Variants in MSRA observed in about 807,000 individuals in gnomAD.
MSRA encodes the protein methionine sulfoxide reductase A.
A neutral mutation model predicts 31.3 loss-of-function variants in MSRA; 54 were observed. That is an observed-to-expected ratio of 1.73 (90% CI 1.39 to 2.17). The LOEUF (loss-of-function observed/expected upper bound fraction) is 2.17. MSRA is among the 30% of genes most tolerant of loss of function. The probability of loss-of-function intolerance (pLI) is 0.00; values close to 1 mark genes in which losing one functional copy is unlikely to be tolerated. For missense variants in MSRA, 507 were observed against 300.9 expected (o/e 1.69, Z -5.07); for synonymous variants, 169 against 116.5 (o/e 1.45, Z -2.90).
chr8:10,293,797 C>T (rs752486911), intron 3 of MSRA, among the ~76,000 whole-genome samples: 1 of 152,232 alleles, frequency 6.6e-6, no homozygotes, highest in South Asian at 2.1e-4. Context: ...CTGTGAGTCT[C>T]CTGATGACTG....
intron 1 of MSRA, among the ~76,000 whole-genome samples, chr8:10,086,900 G>T (rs1798586462): frequency 6.6e-6 from 1 of 151,548 alleles, no homozygotes; most frequent in African/African-American, 2.4e-5. Flanking sequence ...GAGAGGGAGA[G>T]GGAGAGGGAG....
At chr8:10,075,970 C>T (rs757984114) in intron 1 of MSRA, among the ~76,000 whole-genome samples, 21 of 152,162 alleles carry the variant, frequency 1.4e-4, no homozygotes, top group Non-Finnish European at 2.6e-4. Flanking sequence ...CGATGTCTGC[C>T]GCCTCAGTAT....
chr8:10,079,558 C>G (rs1798176082), intron 1 of MSRA, among the ~76,000 whole-genome samples: 1 of 152,200 alleles, frequency 6.6e-6, no homozygotes, highest in Non-Finnish European at 1.5e-5. Flanking sequence ...AAATGAATAG[C>G]TCCCTTATTA....
chr8:10,097,558 C>T (rs893695168), intron 1 of MSRA, among the ~76,000 whole-genome samples: 4 of 152,168 alleles, frequency 2.6e-5, no homozygotes, highest in South Asian at 4.2e-4. Flanking sequence ...GTCTTATTGC[C>T]GATTTATATT....
At chr8:10,334,406 G>T (rs1802897062) in intron 5 of MSRA, among the ~76,000 whole-genome samples, 1 of 152,104 alleles carries the variant, frequency 6.6e-6, no homozygotes, top group South Asian at 2.1e-4. Flanking sequence ...AAGTGGCTCC[G>T]GAGTGATAGG....
intron 1 of MSRA, among the ~76,000 whole-genome samples, chr8:10,131,640 T>G (rs1313297740): frequency 6.6e-6 from 1 of 152,200 alleles, no homozygotes; most frequent in East Asian, 1.9e-4. Flanking sequence ...ATGGAGCTTG[T>G]TAGAAATTTC....
intron 2 of MSRA, among the ~76,000 whole-genome samples, chr8:10,223,790 C>G (rs1810737022): frequency 6.6e-6 from 1 of 152,046 alleles, no homozygotes; most frequent in Non-Finnish European, 1.5e-5. Context: ...CAAATCAAGA[C>G]CATGGTACAA....
chr8:10,219,024 G>A (rs940806763), intron 2 of MSRA, among the ~76,000 whole-genome samples: 35 of 152,172 alleles, frequency 2.3e-4, no homozygotes, highest in Admixed American at 9.2e-4. Context: ...CTGCAGTGCA[G>A]GTTTGAGTCC....
intron 1 of MSRA, among the ~76,000 whole-genome samples, chr8:10,149,918 TTG>T (rs372180080): frequency 1.5e-4 from 13 of 87,670 alleles, no homozygotes; most frequent in African/African-American, 2.3e-4. Flanking sequence ...TTTTTTTTTT[TTG>T]GCCAACTTTA....
At chr8:10,071,016 A>T (rs544726021) in intron 1 of MSRA, among the ~76,000 whole-genome samples, 1 of 152,322 alleles carries the variant, frequency 6.6e-6, no homozygotes, top group Non-Finnish European at 1.5e-5. Flanking sequence ...GTAAGTGCCC[A>T]GGAGTGCAAT....
chr8:10,321,410 G>T (rs1033683696), intron 5 of MSRA, among the ~76,000 whole-genome samples: 9 of 152,082 alleles, frequency 5.9e-5, no homozygotes, highest in African/African-American at 2.2e-4. Flanking sequence ...CTCAAGGTCA[G>T]TTCGACTATG....
chr8:10,331,805 C>T (rs1213169230), intron 5 of MSRA, among the ~76,000 whole-genome samples: 1 of 152,186 alleles, frequency 6.6e-6, no homozygotes, highest in East Asian at 1.9e-4. Flanking sequence ...ATTACTTATA[C>T]CTAATACAAT....
intron 1 of MSRA, among the ~76,000 whole-genome samples, chr8:10,094,413 G>A (rs9329214): frequency 0.75 from 114,782 of 152,198 alleles, 43,564 homozygotes; most frequent in African/African-American, 0.82. Flanking sequence ...TTTGATTGGC[G>A]GAGCACACAA....
At chr8:10,279,706 T>C (rs745885738) in intron 3 of MSRA, among the ~76,000 whole-genome samples, 2 of 152,206 alleles carry the variant, frequency 1.3e-5, no homozygotes, top group Non-Finnish European at 2.9e-5. Context: ...ACAAGATATT[T>C]TGTGAGCTAT....
At position 10,155,002 on chromosome 8, in the gene MSRA, T is replaced by TTATATA. The variant is rs528753270; in HGVS notation, c.143-52824_143-52819dup. 9.7e-5 allele frequency among the ~76,000 whole-genome samples: 12 copies of TTATATA among 123,896 alleles called. 1 individual carries two copies. Among genetic ancestry groups the TTATATA allele is most frequent in the African/African-American group, 3.9e-4 (12 of 30,852 alleles). 81.3% of individuals were successfully genotyped at this position (123,896 alleles called of 152,430 possible). ...AATAGTTTGATAATGTGTATATATT[T>TTATATA]TATATATATATAGGTTTTACCTTGC... On this transcript the variant is annotated intron_variant, in intron 1 of 5. Coordinates refer to ENST00000317173, the MANE Select transcript of MSRA (RefSeq NM_012331.5).
At chr8:10,226,496 A>G (rs186064933) in intron 2 of MSRA, among the ~76,000 whole-genome samples, 19 of 152,258 alleles carry the variant, frequency 1.2e-4, no homozygotes, top group Middle Eastern at 3.4e-3. Context: ...TCATTCTACT[A>G]TATTAATCAA....
chr8:10,244,863 G>T (rs906663765), intron 2 of MSRA, among the ~76,000 whole-genome samples: 1 of 151,802 alleles, frequency 6.6e-6, no homozygotes, highest in African/African-American at 2.4e-5. Context: ...TAAATTTGAG[G>T]CCTTCTAAGT....
chr8:10,289,838 CAT>C (rs1800137564), intron 3 of MSRA, among the ~76,000 whole-genome samples: 1 of 152,180 alleles, frequency 6.6e-6, no homozygotes, highest in Admixed American at 6.5e-5. Flanking sequence ...TTTGTACTAA[CAT>C]AGATCCTAAA....
chr8:10,296,379 G>A lies in MSRA; in HGVS notation c.332-5155G>A, dbSNP rs545067268. ...ATAACAATAGAAACCTCGTGTTTGT[G>A]TATGGAGAGCCTTACGCTTCCCAAA... On this transcript the variant is annotated intron_variant, in intron 3 of 5. Transcript: ENST00000317173. Among the ~76,000 whole-genome samples the A allele has an allele frequency of 2.0e-5, 3 of 152,320 alleles. No individual in the cohort carries two copies. In the East Asian group the frequency reaches 5.8e-4, roughly 29 times the overall value.
Sources: allele counts gnomAD v4.1 joint callset (sites outside exome capture counted in the v4.1 genomes callset), GRCh38; gene constraint gnomAD v4.1.1; transcripts MANE v1.5; gene names NCBI Gene and HGNC (gene_info 2026-07-23, HGNC 2026-07-21).